Variants in RPH3A observed in about 807,000 individuals in gnomAD.
RPH3A encodes rabphilin-3A.
Under a neutral mutation model 102.2 loss-of-function variants are expected in RPH3A, and 48 were observed. The observed-to-expected ratio is 0.47, with a 90% CI of 0.37 to 0.60. RPH3A has a LOEUF of 0.60. RPH3A is among the 20% of genes least tolerant of loss of function. The pLI, the probability that RPH3A is intolerant of heterozygous loss-of-function variation, is 0.00. For synonymous variants in RPH3A, 310 were observed against 324.3 expected (o/e 0.96, Z 0.47); for missense variants, 781 against 910.1 (o/e 0.86, Z 1.83).
chr12:112,593,418 A>G (rs917640586), intron 1 of RPH3A, among the ~76,000 whole-genome samples: 1 of 152,178 alleles, frequency 6.6e-6, no homozygotes, highest in Non-Finnish European at 1.5e-5. Context: ...TTGTTGTGTT[A>G]AGCTGGTGGG....
At chr12:112,587,471 C>G (rs1354860155) in intron 1 of RPH3A, among the ~76,000 whole-genome samples, 2 of 152,112 alleles carry the variant, frequency 1.3e-5, no homozygotes, top group Non-Finnish European at 2.9e-5. Flanking sequence ...CTCTCTAAGC[C>G]TTAGAGTTAG....
chr12:112,681,493 A>G (rs2040225709), intron 1 of RPH3A, among the ~76,000 whole-genome samples: 1 of 152,212 alleles, frequency 6.6e-6, no homozygotes, highest in South Asian at 2.1e-4. Context: ...TAGGCAGGAG[A>G]GTAATATGAG....
At chr12:112,742,268 G>T (rs2040714485) in intron 1 of RPH3A, among the ~76,000 whole-genome samples, 1 of 152,160 alleles carries the variant, frequency 6.6e-6, no homozygotes, top group Non-Finnish European at 1.5e-5. Flanking sequence ...CAGTTAAAGA[G>T]AACATTATTA....
chr12:112,661,123 G>A (rs1408239258), intron 1 of RPH3A, among the ~76,000 whole-genome samples: 1 of 152,142 alleles, frequency 6.6e-6, no homozygotes, highest in Non-Finnish European at 1.5e-5. Flanking sequence ...TGTATGGAAT[G>A]CGTCATCTAG....
chr12:112,880,454 A>T (rs737216), intron 14 of RPH3A, among the ~76,000 whole-genome samples: 74,038 of 152,018 alleles, frequency 0.49, 19,075 homozygotes, highest in African/African-American at 0.64. Flanking sequence ...CATTGTACAG[A>T]TGGGGAAACA....
chr12:112,584,025 T>C (rs991416028), intron 1 of RPH3A, among the ~76,000 whole-genome samples: 3 of 152,176 alleles, frequency 2.0e-5, no homozygotes, highest in African/African-American at 7.2e-5. Context: ...GGCTAAATTA[T>C]AGAGTCTTTA....
chr12:112,713,235 A>G (rs1045832832), intron 1 of RPH3A, among the ~76,000 whole-genome samples: 5 of 151,566 alleles, frequency 3.3e-5, no homozygotes, highest in Non-Finnish European at 4.4e-5. Context: ...CCTGACATGT[A>G]TTTGTATATA....
chr12:112,873,456 A>G (rs1266306394), intron 10 of RPH3A, among the ~76,000 whole-genome samples: 1 of 152,224 alleles, frequency 6.6e-6, no homozygotes, highest in Non-Finnish European at 1.5e-5. Context: ...CCCTTGTTCC[A>G]GGGCTTAATC....
chr12:112,826,939 G>A (rs2041886827), intron 2 of RPH3A, among the ~76,000 whole-genome samples: 1 of 152,052 alleles, frequency 6.6e-6, no homozygotes, highest in Admixed American at 6.5e-5. Context: ...TTTCTTGGGT[G>A]TATACCTGAG....
At chr12:112,670,015 T>C (rs975829573) in intron 1 of RPH3A, among the ~76,000 whole-genome samples, 2 of 152,220 alleles carry the variant, frequency 1.3e-5, no homozygotes, top group Admixed American at 1.3e-4. Flanking sequence ...TTGATATATA[T>C]TTTTCAGTAC....
chr12:112,621,844 C>G (rs1455256717), intron 1 of RPH3A, among the ~76,000 whole-genome samples: 1 of 151,706 alleles, frequency 6.6e-6, no homozygotes, highest in Non-Finnish European at 1.5e-5. Flanking sequence ...GTTCTCCCAG[C>G]ATGCAGCTGG....
At chr12:112,702,730 C>T (rs190723944) in intron 1 of RPH3A, among the ~76,000 whole-genome samples, 258 of 152,320 alleles carry the variant, frequency 1.7e-3, no homozygotes, top group African/African-American at 5.8e-3. Flanking sequence ...AAGGAGCCCC[C>T]CAAAAATGTT....
intron 1 of RPH3A, among the ~76,000 whole-genome samples, chr12:112,717,666 A>G (rs2040523113): frequency 6.6e-6 from 1 of 150,914 alleles, no homozygotes; most frequent in African/African-American, 2.4e-5. Context: ...AGTTTGGGGT[A>G]ACTGTAAATA....
intron 1 of RPH3A, among the ~76,000 whole-genome samples, chr12:112,619,266 G>A (rs1441381078): frequency 7.3e-5 from 11 of 150,338 alleles, no homozygotes; most frequent in Admixed American, 7.3e-4. Flanking sequence ...GTGTGTGTGT[G>A]TGTGTGTGTG....
chr12:112,852,061 T>TGGGCTA (rs2042332328), intron 5 of RPH3A, among the ~76,000 whole-genome samples: 1 of 152,232 alleles, frequency 6.6e-6, no homozygotes, highest in African/African-American at 2.4e-5. Context: ...TCAGGGGACG[T>TGGGCTA]GGGCTAGGTT....
chr12:112,737,859 C>T lies in RPH3A; in HGVS notation c.-139-54284C>T, dbSNP rs559210415. Among the ~76,000 whole-genome samples, 10 of 152,304 alleles carry T rather than the reference C, an allele frequency of 6.6e-5. No homozygotes were observed. In the South Asian group the frequency reaches 1.9e-3, roughly 28 times the overall value. On this transcript the variant is annotated intron_variant, in intron 1 of 21. Transcript: ENST00000543106. ...ACCGGTGCTGGTCCGTAAACTGTTG[C>T]TGGTCTGTGAGGAGCTAAGTACCAA...
chr12:112,660,442 C>T (rs2040041570), intron 1 of RPH3A, among the ~76,000 whole-genome samples: 1 of 152,176 alleles, frequency 6.6e-6, no homozygotes, highest in African/African-American at 2.4e-5. Flanking sequence ...CCCTTCTCAT[C>T]CTACTCCTGA....
chr12:112,778,409 C>T lies in RPH3A; in HGVS notation c.-139-13734C>T, dbSNP rs115911961. Reference sequence around the variant, plus strand: ...TAAAAGAATCCATTTTGCCCATCCTCGATGTTTACTTGACTTTGTAGTTCC... The same window carrying T: ...TAAAAGAATCCATTTTGCCCATCCTTGATGTTTACTTGACTTTGTAGTTCC... On this transcript the variant is annotated intron_variant, in intron 1 of 21. Coordinates refer to the RPH3A transcript ENST00000543106. Among the ~76,000 whole-genome samples, 1,214 of 152,256 alleles carry T rather than the reference C, an allele frequency of 8.0e-3. 13 individuals carry two copies. Among genetic ancestry groups the T allele is most frequent in the African/African-American group, 0.026 (1,098 of 41,534 alleles).
At chr12:112,732,267 A>G (rs1219455241) in intron 1 of RPH3A, among the ~76,000 whole-genome samples, 1 of 152,160 alleles carries the variant, frequency 6.6e-6, no homozygotes, top group African/African-American at 2.4e-5. Context: ...GACTCACTTT[A>G]GAGACTCAGT....
Sources: gnomAD v4.1 joint callset for allele counts (sites outside exome capture counted in the v4.1 genomes callset) on GRCh38, gnomAD v4.1.1 for gene constraint, MANE v1.5 for transcripts, NCBI Gene and HGNC (gene_info 2026-07-23, HGNC 2026-07-21) for gene names.